SEPSECS: variants seen among roughly 807,000 people sequenced by gnomAD.
The protein encoded by SEPSECS is Sep (O-phosphoserine) tRNA:Sec (selenocysteine) tRNA synthase.
SEPSECS carries 42 observed loss-of-function variants against 52.1 expected under a neutral mutation model. The ratio of observed to expected loss-of-function variants is 0.81; its 90% CI spans 0.63 to 1.04. The LOEUF is 1.04. SEPSECS is among the 50% of genes least tolerant of loss of function. SEPSECS has a pLI of 0.00. For synonymous variants in SEPSECS, 216 were observed against 211.4 expected (o/e 1.02, Z -0.19); for missense variants, 590 against 610.6 (o/e 0.97, Z 0.36).
chr4:25,141,438 T>G (rs1261661275), intron 8 of SEPSECS, among the ~76,000 whole-genome samples: 1 of 152,166 alleles, frequency 6.6e-6, no homozygotes, highest in Non-Finnish European at 1.5e-5. Flanking sequence ...CAAATTCAAT[T>G]TTGTCCAAAA....
At position 25,127,346 on chromosome 4, in the gene SEPSECS, T is replaced by C. The variant is rs1380681194; in HGVS notation, c.1038A>G (p.Ser346=). The change falls in exon 9 of 11, where the codon TCA becomes TCG. Residue 346 remains serine (S), a synonymous_variant. Transcript: ENST00000382103. ...KLLKERKEMF[S]YLSNQIKKLS... is the part of the protein sequence containing the mutation. ...ACTTCTTTATTTGGTTGGACAAATA[T>C]GAAAACATTTCCTGCAACAACAAAA... The C allele has an allele frequency of 7.4e-6, 12 of 1,610,886 alleles. No homozygotes were observed. Among genetic ancestry groups the C allele is most frequent in the African/African-American group, 5.3e-5 (4 of 74,888 alleles).
chr4:25,120,312 CAT>C lies in SEPSECS; in HGVS notation c.*3617_*3618del, dbSNP rs1243518084. ...AGAGTAGTGAGTAGGAAATTACAAA[CAT>C]ATATTCATTAGCCTTAAACTTACCA... On this transcript the variant is annotated 3_prime_UTR_variant, in exon 11 of 11. Transcript: ENST00000382103. The C allele has an allele frequency of 6.6e-6, 1 of 152,104 alleles. No homozygotes were observed. Among genetic ancestry groups the C allele is most frequent in the Non-Finnish European group, 1.5e-5 (1 of 67,990 alleles). The allele number at this position is 152,104 out of a possible 1,614,324, so 9.4% of individuals were successfully genotyped here.
At chr4:25,141,596 C>A (rs1170610191) in intron 8 of SEPSECS, among the ~76,000 whole-genome samples, 2 of 152,184 alleles carry the variant, frequency 1.3e-5, no homozygotes, top group Non-Finnish European at 2.9e-5. Flanking sequence ...AATATCACTT[C>A]TTAACCACTA....
At chr4:25,147,249 T>C (rs1712015530) in intron 6 of SEPSECS, among the ~76,000 whole-genome samples, 2 of 152,174 alleles carry the variant, frequency 1.3e-5, no homozygotes, top group South Asian at 2.1e-4. Flanking sequence ...CCTCCCCAAA[T>C]ACCAGAGCAT....
intron 2 of SEPSECS, among the ~76,000 whole-genome samples, chr4:25,158,506 G>T (rs1420913906): frequency 6.6e-6 from 1 of 151,226 alleles, no homozygotes; most frequent in African/African-American, 2.4e-5. Context: ...TGCAACAGAG[G>T]TATTTATAAA....
rs188904185 is a variant in SEPSECS, at chr4:25,148,618, T to C, written c.804+3342A>G. ...ATTTGCTTTTTTTGTTTTAAAGAAA[T>C]GTCCATTTTAATAAGTTCTAACGTT... On this transcript the variant is annotated intron_variant, in intron 6 of 10. Coordinates refer to ENST00000382103, the MANE Select transcript of SEPSECS (RefSeq NM_016955.4). 2.0e-5 allele frequency among the ~76,000 whole-genome samples: 3 copies of C among 152,314 alleles called. No individual in the cohort carries two copies. In the East Asian group the frequency reaches 5.8e-4, roughly 29 times the overall value.
At chr4:25,124,268 G>A (rs1448085115) in intron 10 of SEPSECS, 43 bp from the exon 11 acceptor site, 1 of 1,560,052 alleles carries the variant, frequency 6.4e-7, no homozygotes, top group Non-Finnish European at 8.8e-7. Context: ...TCTGGTAATG[G>A]TAACACAATG....
intron 8 of SEPSECS, among the ~76,000 whole-genome samples, chr4:25,144,111 C>T (rs180709611): frequency 3.3e-5 from 5 of 152,040 alleles, no homozygotes; most frequent in East Asian, 1.9e-4. Context: ...GAGGCTGAGG[C>T]GGGTGGATCA....
chr4:25,125,782 T>C lies in SEPSECS; in HGVS notation c.1123A>G (p.Met375Val), dbSNP rs760866613. 10 of 1,608,968 alleles carry C rather than the reference T, an allele frequency of 6.2e-6. 1 individual carries two copies. In the East Asian group the frequency reaches 6.7e-5, roughly 11 times the overall value. The change falls in exon 10 of 11, where the codon ATG becomes GTG. Residue 375 changes from methionine to valine, a missense_variant and splice_region_variant. Met to Val is a conservative substitution (Grantham distance 21). Coordinates refer to ENST00000382103, the MANE Select transcript of SEPSECS (RefSeq NM_016955.4). ...TGTTCATCTAGTGTTTTAAGTGTCA[T>C]AGCTGAAAAAGAAAAAAGTATCCTA... Reference protein sequence around the residue: ...HTPHNPISLAMTLKTLDEHRD... With the variant: ...HTPHNPISLAVTLKTLDEHRD...
At chr4:25,134,906 G>A (rs2109011849) in intron 8 of SEPSECS, among the ~76,000 whole-genome samples, 1 of 152,224 alleles carries the variant, frequency 6.6e-6, no homozygotes, top group African/African-American at 2.4e-5. Flanking sequence ...TCAAGGTTAA[G>A]AAACTCACTC....
intron 8 of SEPSECS, among the ~76,000 whole-genome samples, chr4:25,134,124 CAAAAAAAAAAAAAAAAAA>C (rs34672005): frequency 7.6e-5 from 1 of 13,164 alleles, no homozygotes; most frequent in African/African-American, 2.8e-4. Context: ...GACCCCATCT[CAAAAAAAAAAAAAAAAAA>C]AAAAAAAAAG....
At chr4:25,137,476 C>G (rs1324543006) in intron 8 of SEPSECS, among the ~76,000 whole-genome samples, 1 of 152,176 alleles carries the variant, frequency 6.6e-6, no homozygotes, top group Non-Finnish European at 1.5e-5. Context: ...AGCTCAACAT[C>G]ACTGATCATG....
intron 8 of SEPSECS, among the ~76,000 whole-genome samples, chr4:25,131,000 CTTAATT>C (rs1338910104): frequency 6.6e-6 from 1 of 152,086 alleles, no homozygotes; most frequent in East Asian, 1.9e-4. Flanking sequence ...CTGTATTTAA[CTTAATT>C]TTAAGAGACT....
chr4:25,148,056 A>G lies in SEPSECS; in HGVS notation c.805-2923T>C, dbSNP rs952488465. 2.0e-5 allele frequency among the ~76,000 whole-genome samples: 3 copies of G among 152,174 alleles called. 1 individual carries two copies. Among genetic ancestry groups the G allele is most frequent in the African/African-American group, 7.2e-5 (3 of 41,446 alleles). On this transcript the variant is annotated intron_variant, in intron 6 of 10. Coordinates refer to ENST00000382103, the MANE Select transcript of SEPSECS (RefSeq NM_016955.4). ...TTGTCAGGATTCAGCTGATAACTTT[A>G]AAAGCCTAGTAGAGGGCCAGGCACG... is the stretch of plus-strand genomic sequence containing the variant.
At chr4:25,154,322 T>G (rs1236404520) in intron 5 of SEPSECS, among the ~76,000 whole-genome samples, 1 of 152,080 alleles carries the variant, frequency 6.6e-6, no homozygotes, top group Non-Finnish European at 1.5e-5. Flanking sequence ...GTCAATATAG[T>G]GCTTACAAAT....
At chr4:25,147,443 T>C (rs1712032275) in intron 6 of SEPSECS, among the ~76,000 whole-genome samples, 1 of 152,226 alleles carries the variant, frequency 6.6e-6, no homozygotes, top group Non-Finnish European at 1.5e-5. Context: ...GGTTTGTGAA[T>C]AAACAGTAGT....
At position 25,160,269 on chromosome 4, in the gene SEPSECS, AG is replaced by A; in HGVS notation, c.100del (p.Leu34CysfsTer34). 1 of 1,556,304 alleles carries A rather than the reference AG, an allele frequency of 6.4e-7. No homozygotes were observed. On this transcript the variant is annotated frameshift_variant, in exon 1 of 11. Transcript: ENST00000382103. LOFTEE classifies it high-confidence loss of function. The stretch of plus-strand genomic sequence containing the variant: ...ACAGCTCGGTACCTTCTCCAGAAGC[AG>A]CCGTATGAGGTGCTCATGCGAGCGG... ...ARRSHEHLIR[L>X]LLEKGKCPEN...
chr4:25,156,429 G>A (rs1712639668), intron 3 of SEPSECS, among the ~76,000 whole-genome samples: 6 of 151,522 alleles, frequency 4.0e-5, no homozygotes, highest in Admixed American at 3.9e-4. Flanking sequence ...TTTCGGCCGG[G>A]CGCGGTGGCT....
At chr4:25,128,805 C>G (rs1324067398) in intron 8 of SEPSECS, among the ~76,000 whole-genome samples, 1 of 151,960 alleles carries the variant, frequency 6.6e-6, no homozygotes, top group Non-Finnish European at 1.5e-5. Flanking sequence ...AGTACCCAAG[C>G]AGAGACAGCA....
Sources: gnomAD v4.1 joint callset for allele counts (sites outside exome capture counted in the v4.1 genomes callset) on GRCh38, gnomAD v4.1.1 for gene constraint, MANE v1.5 for transcripts, NCBI Gene and HGNC (gene_info 2026-07-23, HGNC 2026-07-21) for gene names.